Variants in LRRC37A2 observed in about 807,000 individuals in gnomAD.
LRRC37A2 encodes leucine rich repeat containing 37 member A2.
A neutral mutation model predicts 68.8 loss-of-function variants in LRRC37A2; 9 were observed. The observed-to-expected ratio is 0.13, with a 90% CI of 0.08 to 0.23. The LOEUF (loss-of-function observed/expected upper bound fraction) is 0.23, where lower values mean the gene tolerates loss of function less well. LRRC37A2 is among the 10% of genes least tolerant of loss of function. The pLI, the probability that LRRC37A2 is intolerant of heterozygous loss-of-function variation, is 1.00. For missense variants in LRRC37A2, 168 were observed against 950.4 expected (o/e 0.18, Z 10.82); for synonymous variants, 63 against 367.6 (o/e 0.17, Z 9.48).
the LRRC37A2 span, among the ~76,000 whole-genome samples, chr17:46,922,124 A>C: frequency 6.6e-6 from 1 of 152,260 alleles, no homozygotes; most frequent in Non-Finnish European, 1.5e-5. Context: ...AAAATGTGGC[A>C]TATATACACC....
At chr17:46,769,366 T>G in the LRRC37A2 span, among the ~76,000 whole-genome samples, 23 of 151,282 alleles carry the variant, frequency 1.5e-4, no homozygotes, top group Admixed American at 1.4e-3. Flanking sequence ...AGGAGTTATC[T>G]CCATTTAACA....
chr17:46,932,035 T>C, the LRRC37A2 span: 1 of 1,610,366 alleles, frequency 6.2e-7, no homozygotes, highest in East Asian at 2.2e-5. Flanking sequence ...CCTGAGTTCC[T>C]GGAATTTAAT....
chr17:46,768,280 C>T, the LRRC37A2 span: 1 of 1,612,126 alleles, frequency 6.2e-7, no homozygotes, highest in Non-Finnish European at 8.5e-7. The surrounding 1 kb of genome is among the most constrained non-coding windows in gnomAD (Gnocchi z 5.0). Flanking sequence ...CGCCCAGGCT[C>T]CCAGCCTCCC....
chr17:46,529,535 C>T (rs1369299681), intron 6 of LRRC37A2, among the ~76,000 whole-genome samples: 5 of 100,866 alleles, frequency 5.0e-5, no homozygotes, highest in East Asian at 4.6e-4. Flanking sequence ...AGGCTGGGCG[C>T]GCTGGCTCAT....
chr17:47,033,125 G>A, the LRRC37A2 span, among the ~76,000 whole-genome samples: 3 of 148,408 alleles, frequency 2.0e-5, no homozygotes, highest in African/African-American at 5.0e-5. Flanking sequence ...GCTGAGGCAG[G>A]AGAATCACTT....
chr17:46,815,238 G>A, the LRRC37A2 span, among the ~76,000 whole-genome samples: 1 of 152,020 alleles, frequency 6.6e-6, no homozygotes, highest in East Asian at 1.9e-4. Flanking sequence ...GACTGACAAG[G>A]GGAATTCGAG....
chr17:46,727,581 G>T, the LRRC37A2 span, among the ~76,000 whole-genome samples: 1 of 151,992 alleles, frequency 6.6e-6, no homozygotes, highest in Non-Finnish European at 1.5e-5. Flanking sequence ...TTAAGTTTTG[G>T]CAGTGTCTGT....
chr17:46,725,042 G>T, the LRRC37A2 span, among the ~76,000 whole-genome samples: 2 of 151,956 alleles, frequency 1.3e-5, no homozygotes. Context: ...ATGATATGAG[G>T]ATACAGAGGT....
the LRRC37A2 span, among the ~76,000 whole-genome samples, chr17:46,801,743 A>G: frequency 1.4e-4 from 21 of 152,334 alleles, no homozygotes; most frequent in Admixed American, 7.2e-4. Context: ...GTTTAACAAA[A>G]AGGGACTTGG....
At chr17:46,789,117 G>A in the LRRC37A2 span, among the ~76,000 whole-genome samples, 87 of 152,318 alleles carry the variant, frequency 5.7e-4, no homozygotes, top group Non-Finnish European at 9.1e-4. Flanking sequence ...AGCACAGTGC[G>A]TGGGGCACTC....
chr17:46,815,572 C>T, the LRRC37A2 span, among the ~76,000 whole-genome samples: 4 of 152,130 alleles, frequency 2.6e-5, no homozygotes, highest in Non-Finnish European at 5.9e-5. Context: ...GGAGTGGGGG[C>T]AGAAATGGGA....
the LRRC37A2 span, among the ~76,000 whole-genome samples, chr17:46,967,761 A>C: frequency 6.6e-6 from 1 of 152,130 alleles, no homozygotes; most frequent in African/African-American, 2.4e-5. Context: ...TACTGGAGAG[A>C]AGCAACATGG....
chr17:46,994,427 G>A, the LRRC37A2 span, among the ~76,000 whole-genome samples: 8 of 151,822 alleles, frequency 5.3e-5, no homozygotes, highest in Non-Finnish European at 1.0e-4. Context: ...GAGTTGAAGA[G>A]TGGGGAGGGT....
At chr17:46,885,429 A>G in the LRRC37A2 span, 1 of 161,972 alleles carries the variant, frequency 6.2e-6, no homozygotes, top group Non-Finnish European at 1.3e-5. Flanking sequence ...CAGCCTCCCA[A>G]GTAGCTGGGA....
chr17:46,854,585 C>T, the LRRC37A2 span, among the ~76,000 whole-genome samples: 1 of 152,146 alleles, frequency 6.6e-6, no homozygotes, highest in Non-Finnish European at 1.5e-5. Context: ...GTTGGTTCTG[C>T]TGCTTTTGAG....
the LRRC37A2 span, among the ~76,000 whole-genome samples, chr17:46,496,928 A>T: frequency 6.8e-6 from 1 of 146,978 alleles, no homozygotes; most frequent in Non-Finnish European, 1.5e-5. Context: ...GAAAAAAAAA[A>T]AAATTACTTA....
chr17:46,456,276 A>G, the LRRC37A2 span, among the ~76,000 whole-genome samples: 2 of 101,606 alleles, frequency 2.0e-5, no homozygotes, highest in East Asian at 2.5e-4. Context: ...TAATAATTAT[A>G]TATAATTTAT....
chr17:46,981,650 T>G, the LRRC37A2 span, among the ~76,000 whole-genome samples: 12 of 152,154 alleles, frequency 7.9e-5, no homozygotes, highest in African/African-American at 2.7e-4. Context: ...TGATACTCAT[T>G]ATTAGAACAT....
the LRRC37A2 span, among the ~76,000 whole-genome samples, chr17:47,040,213 C>G: frequency 9.8e-3 from 1,469 of 149,680 alleles, 25 homozygotes; most frequent in African/African-American, 0.034. Flanking sequence ...GAGGCTGAGG[C>G]TGAGGTTGAG....
Sources: allele counts gnomAD v4.1 joint callset (sites outside exome capture counted in the v4.1 genomes callset), GRCh38; gene constraint gnomAD v4.1.1; non-coding constraint Gnocchi (gnomAD v3.1); transcripts MANE v1.5; gene names NCBI Gene and HGNC (gene_info 2026-07-23, HGNC 2026-07-21).